RARB: variants seen among roughly 807,000 people sequenced by gnomAD.
RARB encodes retinoic acid receptor beta.
RARB carries 17 observed loss-of-function variants against 51.9 expected under a neutral mutation model. That is an observed-to-expected ratio of 0.33 (90% CI 0.22 to 0.49). The LOEUF (loss-of-function observed/expected upper bound fraction) is 0.49, where lower values mean the gene tolerates loss of function less well. Among genes scored for constraint, RARB ranks in the 20% least tolerant of loss-of-function variants. The pLI is 0.99. For missense variants in RARB, 369 were observed against 550.8 expected (o/e 0.67, Z 3.30); for synonymous variants, 215 against 195.4 (o/e 1.10, Z -0.84).
chr3:25,173,875 A>C (rs1700691722), intron 4 of RARB, among the ~76,000 whole-genome samples: 1 of 152,204 alleles, frequency 6.6e-6, no homozygotes, highest in Non-Finnish European at 1.5e-5. Context: ...GATATAGTCA[A>C]ATAACACAGG....
intron 3 of RARB, among the ~76,000 whole-genome samples, chr3:25,105,355 G>A (rs1430717564): frequency 2.1e-5 from 3 of 145,150 alleles, no homozygotes; most frequent in Non-Finnish European, 4.5e-5. Flanking sequence ...CGAGTGCTTT[G>A]ATAGCACTTT....
intron 2 of RARB, among the ~76,000 whole-genome samples, chr3:24,912,380 ACATGT>A: frequency 6.6e-6 from 1 of 152,288 alleles, no homozygotes; most frequent in African/African-American, 2.4e-5. Flanking sequence ...GTTAAATAAT[ACATGT>A]AATATACTTA....
chr3:25,253,289 T>A (rs1176037862), intron 5 of RARB, among the ~76,000 whole-genome samples: 1 of 152,128 alleles, frequency 6.6e-6, no homozygotes, highest in Non-Finnish European at 1.5e-5. Context: ...GAGTTGTACA[T>A]CCGTATTTTG....
chr3:25,318,785 A>C (rs1336470164), intron 5 of RARB, among the ~76,000 whole-genome samples: 5 of 152,138 alleles, frequency 3.3e-5, no homozygotes, highest in Non-Finnish European at 7.4e-5. Context: ...AAAAATTACC[A>C]CCCTGAAACT....
intron 1 of RARB, among the ~76,000 whole-genome samples, chr3:24,854,854 T>C (rs1702611880): frequency 1.3e-5 from 2 of 152,220 alleles, no homozygotes; most frequent in South Asian, 4.1e-4. Context: ...TAGTGCCTTA[T>C]GGCAAGGCTG....
intron 5 of RARB, among the ~76,000 whole-genome samples, chr3:25,376,209 A>G (rs1229680269): frequency 1.3e-5 from 2 of 152,086 alleles, no homozygotes; most frequent in African/African-American, 4.8e-5. Context: ...TCTACTTTGG[A>G]TATCTTACCA....
chr3:24,974,472 T>A (rs1696467499), intron 2 of RARB, among the ~76,000 whole-genome samples: 1 of 152,062 alleles, frequency 6.6e-6, no homozygotes, highest in African/African-American at 2.4e-5. Flanking sequence ...ACATTGTCTT[T>A]CTTGGTTCCG....
Position 24,933,238 on chromosome 3 carries a change from T to C in RARB, c.-380+74486T>C, listed in dbSNP as rs1000436709. Reference sequence around the variant, plus strand: ...TTTTAGTCTCTGAAATGAGAATCATTGGTTTTCGATTTGAGGAAAAACCAT... The same window carrying C: ...TTTTAGTCTCTGAAATGAGAATCATCGGTTTTCGATTTGAGGAAAAACCAT... On this transcript the variant is annotated intron_variant, in intron 2 of 11. Transcript: ENST00000383772. Among the ~76,000 whole-genome samples the C allele has an allele frequency of 2.6e-5, 4 of 152,136 alleles. No homozygotes were observed. The East Asian group carries it at 5.8e-4, about 22-fold the overall frequency.
intron 5 of RARB, among the ~76,000 whole-genome samples, chr3:25,253,441 G>T (rs1702779894): frequency 6.6e-6 from 1 of 152,006 alleles, no homozygotes; most frequent in Non-Finnish European, 1.5e-5. Context: ...TTACCCTGAA[G>T]GATCTATAAA....
chr3:25,282,683 A>G (rs1703554524), intron 5 of RARB, among the ~76,000 whole-genome samples: 1 of 152,164 alleles, frequency 6.6e-6, no homozygotes, highest in African/African-American at 2.4e-5. Flanking sequence ...AGAGGAAGCC[A>G]GGGCATTGCT....
intron 6 of RARB, 148 bp from the exon 7 acceptor site, chr3:25,594,372 C>A: frequency 1.2e-6 from 1 of 816,208 alleles, no homozygotes; most frequent in Admixed American, 3.1e-5. Context: ...AGTATCACTG[C>A]TTAAAGCAAC....
At chr3:25,246,615 T>A (rs1303758995) in intron 5 of RARB, among the ~76,000 whole-genome samples, 3 of 152,162 alleles carry the variant, frequency 2.0e-5, no homozygotes, top group Non-Finnish European at 4.4e-5. Flanking sequence ...GGGGTTCCAC[T>A]CCAGATCCTG....
intron 2 of RARB, among the ~76,000 whole-genome samples, chr3:25,481,279 C>A (rs969023292): frequency 5.3e-5 from 8 of 152,126 alleles, no homozygotes; most frequent in Non-Finnish European, 8.8e-5. Context: ...ACTGTGTCGG[C>A]CACCACTGAG....
At chr3:25,380,533 C>CTT (rs780385225) in intron 5 of RARB, among the ~76,000 whole-genome samples, 12 of 152,170 alleles carry the variant, frequency 7.9e-5, no homozygotes, top group Non-Finnish European at 1.5e-4. Context: ...ATTTCCCCCT[C>CTT]TTTCCTCCAA....
At chr3:24,939,555 T>C (rs1284854162) in intron 2 of RARB, among the ~76,000 whole-genome samples, 1 of 152,226 alleles carries the variant, frequency 6.6e-6, no homozygotes, top group Non-Finnish European at 1.5e-5. Flanking sequence ...AAACTCTTTT[T>C]AAATATTCTA....
chr3:25,155,425 G>C (rs1405704764), intron 4 of RARB, among the ~76,000 whole-genome samples: 1 of 152,136 alleles, frequency 6.6e-6, no homozygotes, highest in Non-Finnish European at 1.5e-5. Flanking sequence ...TCAGTGCTTT[G>C]GTCATAGAAG....
intron 5 of RARB, among the ~76,000 whole-genome samples, chr3:25,344,090 A>G (rs1705314824): frequency 6.6e-6 from 1 of 152,240 alleles, no homozygotes; most frequent in Middle Eastern, 3.4e-3. Context: ...TACTCCAGAA[A>G]CTTTCTTTAA....
At chr3:25,245,666 A>G (rs1443182080) in intron 5 of RARB, among the ~76,000 whole-genome samples, 1 of 152,138 alleles carries the variant, frequency 6.6e-6, no homozygotes, top group Non-Finnish European at 1.5e-5. Flanking sequence ...TTCTGAAGAG[A>G]GATCTGCTGT....
chr3:25,259,059 A>G (rs56825831), intron 5 of RARB: 47,906 of 984,676 alleles, frequency 0.049, 1,286 homozygotes, highest in African/African-American at 0.1. Flanking sequence ...GAATGTGAAC[A>G]TACTTCAGTA....
Sources: allele counts gnomAD v4.1 joint callset (sites outside exome capture counted in the v4.1 genomes callset), GRCh38; gene constraint gnomAD v4.1.1; transcripts MANE v1.5; gene names NCBI Gene and HGNC (gene_info 2026-07-23, HGNC 2026-07-21).